Variants in CPD observed in about 807,000 individuals in gnomAD.
The protein encoded by CPD is metallocarboxypeptidase D.
CPD carries 69 observed loss-of-function variants against 138.3 expected under a neutral mutation model. That is an observed-to-expected ratio of 0.50 (90% CI 0.41 to 0.61). CPD has a LOEUF of 0.61. Ranked by LOEUF, CPD falls within the 20% of genes least tolerant of loss-of-function variation. CPD has a pLI of 0.00. For synonymous variants in CPD, 651 were observed against 642.1 expected, an observed-to-expected ratio of 1.01 and a Z score of -0.21; for missense variants, 1,432 against 1,733.3, an observed-to-expected ratio of 0.83 and a Z score of 3.09.
rs888277692 is a variant in CPD, at chr17:30,466,017, T to TG, written c.*1204dup. The TG allele has an allele frequency of 3.9e-5, 6 of 152,396 alleles. No homozygotes were observed. Among genetic ancestry groups the TG allele is most frequent in the Non-Finnish European group, 8.8e-5 (6 of 67,998 alleles). 9.4% of individuals were successfully genotyped at this position (152,396 alleles called of 1,614,324 possible). ...AGCTTTTAAGTATAGCTTCCTCCCT[T>TG]GAAAAAAAATGTAAACTATGACTGC... On this transcript the variant is annotated 3_prime_UTR_variant, in exon 21 of 21. Transcript: ENST00000225719.
chr17:30,452,528 C>T (rs2143491379), intron 14 of CPD, among the ~76,000 whole-genome samples: 2 of 149,602 alleles, frequency 1.3e-5, no homozygotes, highest in Admixed American at 1.4e-4. Flanking sequence ...TGCCCAGCCT[C>T]CCAAAGTGCT....
At chr17:30,445,075 C>T (rs868185996) in intron 11 of CPD, among the ~76,000 whole-genome samples, 60 of 152,130 alleles carry the variant, frequency 3.9e-4, no homozygotes, top group African/African-American at 1.4e-3. Context: ...CTTTCCCACC[C>T]GTATACCCTG....
chr17:30,415,654 G>GA (rs1208087990), intron 2 of CPD, among the ~76,000 whole-genome samples: 2 of 152,122 alleles, frequency 1.3e-5, no homozygotes. Flanking sequence ...AACAAACATT[G>GA]AAAAGATGCT....
At chr17:30,381,745 A>T (rs144688195) in intron 1 of CPD, among the ~76,000 whole-genome samples, 6 of 152,350 alleles carry the variant, frequency 3.9e-5, no homozygotes, top group African/African-American at 1.4e-4. Flanking sequence ...ATTAGTCTGT[A>T]TGGGAAAACT....
chr17:30,469,664 G>T lies in CPD; in HGVS notation c.*4850G>T, dbSNP rs1272161969. 1.3e-5 allele frequency: 2 copies of T among 152,164 alleles called. No homozygotes were observed. Among genetic ancestry groups the T allele is most frequent in the East Asian group, 1.9e-4 (1 of 5,184 alleles). 9.4% of individuals were successfully genotyped at this position (152,164 alleles called of 1,614,324 possible). Reference sequence around the variant, plus strand: ...TAAAAAAAGAAATTTTTTATTATGTGGTTCAATAGATTGTCTAAAGCATGG... The same window carrying T: ...TAAAAAAAGAAATTTTTTATTATGTTGTTCAATAGATTGTCTAAAGCATGG... On this transcript the variant is annotated 3_prime_UTR_variant, in exon 21 of 21. Transcript: ENST00000225719.
chr17:30,410,606 A>C (rs1318043604), intron 2 of CPD, among the ~76,000 whole-genome samples: 1 of 152,180 alleles, frequency 6.6e-6, no homozygotes, highest in Non-Finnish European at 1.5e-5. Flanking sequence ...CTTTACCATT[A>C]TGTAATGGCC....
chr17:30,439,108 A>G (rs1194818855), intron 9 of CPD, 31 bp downstream of exon 9: 1 of 1,241,220 alleles, frequency 8.1e-7, no homozygotes, highest in Non-Finnish European at 1.1e-6. Context: ...AGGCCTTACA[A>G]CTTGATGGCC....
intron 6 of CPD, among the ~76,000 whole-genome samples, chr17:30,423,967 T>C (rs1912336562): frequency 6.6e-6 from 1 of 152,218 alleles, no homozygotes; most frequent in Admixed American, 6.5e-5. Context: ...AATTGTTTTA[T>C]TTTAGCAATA....
intron 2 of CPD, among the ~76,000 whole-genome samples, chr17:30,397,172 T>C (rs1911531235): frequency 6.6e-6 from 1 of 152,228 alleles, no homozygotes. Context: ...TTTACTATTT[T>C]ATTATTTACC....
chr17:30,455,067 T>G (rs1913258620), intron 14 of CPD: 1 of 237,944 alleles, frequency 4.2e-6, no homozygotes. Flanking sequence ...CTGGATATGC[T>G]TATTCTTTTT....
At chr17:30,398,206 A>T (rs1911559724) in intron 2 of CPD, among the ~76,000 whole-genome samples, 1 of 139,268 alleles carries the variant, frequency 7.2e-6, no homozygotes, top group East Asian at 2.3e-4. Flanking sequence ...GACTAATAGT[A>T]GAATAGAACA....
intron 1 of CPD, among the ~76,000 whole-genome samples, chr17:30,380,933 T>C (rs914354440): frequency 2.6e-5 from 4 of 152,226 alleles, no homozygotes; most frequent in Non-Finnish European, 2.9e-5. Context: ...CCATCTGGAT[T>C]AAAAGAAGAT....
At position 30,422,696 on chromosome 17, in the gene CPD, A is replaced by G. The variant is rs1274070718; in HGVS notation, c.1330A>G (p.Asn444Asp). 1 of 1,612,478 alleles carries G rather than the reference A, an allele frequency of 6.2e-7. No homozygotes were observed. The highest frequency in any genetic ancestry group is 8.5e-7 in the Non-Finnish European group (1 of 1,179,240). The change falls in exon 5 of 21, where the codon AAT (asparagine) becomes GAT (aspartate). Residue 444 changes from asparagine to aspartate, a missense_variant. Physicochemically the swap from Asn to Asp is conservative, Grantham distance 23 (BLOSUM62 1). This residue lies in a region of CPD where 160 missense variants were observed against 197.9 expected (regional missense o/e 0.81). Coordinates refer to ENST00000225719, the MANE Select transcript of CPD (RefSeq NM_001304.5). ...LTGYMPLTVT[N>D]VVVKEGPATE... Reference sequence around the variant, plus strand: ...CAGGTATATGCCATTGACTGTTACTAATGTAGTGGTGAAAGAAGGACCAGC... The same window carrying G: ...CAGGTATATGCCATTGACTGTTACTGATGTAGTGGTGAAAGAAGGACCAGC...
At chr17:30,405,449 G>A (rs1911779263) in intron 2 of CPD, among the ~76,000 whole-genome samples, 1 of 152,212 alleles carries the variant, frequency 6.6e-6, no homozygotes, top group Admixed American at 6.5e-5. Flanking sequence ...ATAGTGAATT[G>A]AGTGAATTTG....
rs141268239 is a variant in CPD at position 30,461,719 on chromosome 17, G to A, written c.3631-158G>A. Among the ~76,000 whole-genome samples the A allele has an allele frequency of 2.7e-4, 41 of 152,290 alleles. 1 individual carries two copies. In the East Asian group the frequency reaches 7.5e-3, roughly 28 times the overall value. On this transcript the variant is annotated intron_variant, in intron 18 of 20. Coordinates refer to ENST00000225719, the MANE Select transcript of CPD (RefSeq NM_001304.5). ...AAACAAGGTCAGAGTCAGTGGGGAG[G>A]GAAGAGAAGAAGCAGGCCATACAGA...
chr17:30,415,741 G>T (rs1393102523), intron 2 of CPD, among the ~76,000 whole-genome samples: 1 of 152,154 alleles, frequency 6.6e-6, no homozygotes, highest in Non-Finnish European at 1.5e-5. Context: ...GCAATTAAAT[G>T]TCAATTGACA....
At chr17:30,451,950 G>C in intron 14 of CPD, 104 bp downstream of exon 14, 1 of 1,103,810 alleles carries the variant, frequency 9.1e-7, no homozygotes, top group Non-Finnish European at 1.3e-6. Flanking sequence ...GTACTTTCTT[G>C]TCTGGGTTAT....
intron 9 of CPD, among the ~76,000 whole-genome samples, chr17:30,440,603 G>T (rs951168673): frequency 6.7e-6 from 1 of 149,250 alleles, no homozygotes; most frequent in South Asian, 2.1e-4. Context: ...ATAAGGAAGG[G>T]ATCCAGTTTC....
At chr17:30,436,851 A>G (rs1341736093) in intron 8 of CPD, among the ~76,000 whole-genome samples, 1 of 152,226 alleles carries the variant, frequency 6.6e-6, no homozygotes, top group Non-Finnish European at 1.5e-5. Context: ...AATAGCCCCA[A>G]ATGGAAGCAA....
Sources: gnomAD v4.1 joint callset for allele counts (sites outside exome capture counted in the v4.1 genomes callset) on GRCh38, gnomAD v4.1.1 for gene constraint, gnomAD v4.1.1 regional missense constraint, MANE v1.5 for transcripts, NCBI Gene and HGNC (gene_info 2026-07-23, HGNC 2026-07-21) for gene names.